The following KCNMA1 variants were observed in gnomAD, a reference collection of about 807,000 sequenced individuals.
KCNMA1 encodes Calcium-activated potassium channel subunit alpha-1.
Under a neutral mutation model 140.0 loss-of-function variants are expected in KCNMA1, and 29 were observed. The ratio of observed to expected loss-of-function variants is 0.21; its 90% CI spans 0.15 to 0.28. KCNMA1 has a LOEUF of 0.28. KCNMA1 is among the 10% of genes least tolerant of loss of function. The pLI is 1.00. For synonymous variants in KCNMA1, 612 were observed against 611.9 expected (o/e 1.00, Z 0.00); for missense variants, 880 against 1,602.2 (o/e 0.55, Z 7.70).
rs77895074 is a variant in KCNMA1 at position 76,906,634 on chromosome 10, G to T, written c.3147+3332C>A. On this transcript the variant is annotated intron_variant, in intron 25 of 27. Transcript: ENST00000286628. ...CAACAGCTGAAGAGATTTGTGTGTG[G>T]ATGTTGTGATGTTGCTTATGAGTGA... Among the ~76,000 whole-genome samples the T allele has an allele frequency of 5.9e-3, 892 of 152,286 alleles. 6 individuals carry two copies. The highest frequency in any genetic ancestry group is 0.019 in the African/African-American group (799 of 41,556).
intron 1 of KCNMA1, among the ~76,000 whole-genome samples, chr10:77,513,867 T>G (rs1293753739): frequency 2.6e-5 from 4 of 152,196 alleles, no homozygotes; most frequent in Admixed American, 2.6e-4. Context: ...AGGAGGATCC[T>G]GGCCTGGCAA....
rs2154570896 is a variant in KCNMA1, at chr10:77,629,733, T to C, written c.378+7532A>G. Among the ~76,000 whole-genome samples the C allele has an allele frequency of 2.6e-5, 4 of 152,318 alleles. 1 individual carries two copies. Among genetic ancestry groups the C allele is most frequent in the Admixed American group, 2.6e-4 (4 of 15,300 alleles). On this transcript the variant is annotated intron_variant, in intron 1 of 27. Transcript: ENST00000286628. ...AGTCAGAACTGGGTCTTAATTATTTTTCCCCCAGCACCTAGCTTGGTTTCT... is the reference window on the plus strand; with the variant it reads ...AGTCAGAACTGGGTCTTAATTATTTCTCCCCCAGCACCTAGCTTGGTTTCT...
At chr10:77,285,846 T>C (rs915999586) in intron 2 of KCNMA1, among the ~76,000 whole-genome samples, 2 of 152,212 alleles carry the variant, frequency 1.3e-5, no homozygotes, top group East Asian at 1.9e-4. Context: ...TTTGTTATTA[T>C]GCATACCTCA....
intron 16 of KCNMA1, among the ~76,000 whole-genome samples, chr10:77,024,783 A>G (rs150891625): frequency 4.7e-4 from 72 of 152,308 alleles, no homozygotes; most frequent in African/African-American, 1.7e-3. Flanking sequence ...CAGTGTTCTA[A>G]GACTATACTG....
intron 1 of KCNMA1, among the ~76,000 whole-genome samples, chr10:77,610,922 G>A (rs2086616964): frequency 6.6e-6 from 1 of 152,238 alleles, no homozygotes; most frequent in Admixed American, 6.5e-5. Flanking sequence ...CCATGGAGTG[G>A]TTAGCAGAGC....
chr10:77,248,690 T>G (rs776194662), intron 3 of KCNMA1, among the ~76,000 whole-genome samples: 1 of 152,218 alleles, frequency 6.6e-6, no homozygotes, highest in Non-Finnish European at 1.5e-5. Context: ...TTTCTTTCCA[T>G]TTGCATCTTA....
chr10:77,151,155 CTTTT>C (rs1410151677), intron 5 of KCNMA1, among the ~76,000 whole-genome samples: 1 of 143,158 alleles, frequency 7.0e-6, no homozygotes, highest in Admixed American at 7.0e-5. Flanking sequence ...TTCTTTCTTT[CTTTT>C]CTTTTCTTTC....
At chr10:77,007,653 G>GTGTGTGTGTGTGTATATATATATATATA in intron 18 of KCNMA1, among the ~76,000 whole-genome samples, 1 of 88,482 alleles carries the variant, frequency 1.1e-5, no homozygotes, top group Admixed American at 1.1e-4. Flanking sequence ...TTGTGTGTGT[G>GTGTGTGTGTGTGTATATATATATATATA]TATATATATA....
chr10:76,884,857 T>C, downstream of KCNMA1: 1 of 1,314,772 alleles, frequency 7.6e-7, no homozygotes, highest in South Asian at 1.8e-5. Flanking sequence ...TAAATAAAAA[T>C]AAACAAACCA....
Position 76,928,546 on chromosome 10 carries a change from A to G in KCNMA1, c.2903-13497T>C, listed in dbSNP as rs760351021. 9.8e-5 allele frequency among the ~76,000 whole-genome samples: 15 copies of G among 152,332 alleles called. No homozygotes were observed. In the South Asian group the frequency reaches 1.0e-3, roughly 11 times the overall value. On this transcript the variant is annotated intron_variant, in intron 23 of 27. Transcript: ENST00000286628. The stretch of plus-strand genomic sequence containing the variant: ...AATGTGAGCAGAAAATTATGAATTC[A>G]TTAAACTACTTTGGTATCTTGTGCT...
intron 1 of KCNMA1, among the ~76,000 whole-genome samples, chr10:77,405,903 C>T (rs1265123885): frequency 6.6e-6 from 1 of 152,170 alleles, no homozygotes; most frequent in Non-Finnish European, 1.5e-5. Context: ...GACTTGGCCA[C>T]GGCAGGCAGG....
At chr10:77,084,541 G>C in intron 12 of KCNMA1, 96 bp downstream of exon 12, 1 of 922,414 alleles carries the variant, frequency 1.1e-6, no homozygotes. Flanking sequence ...GGGCAAAAAG[G>C]CCTCATAGAG....
chr10:76,955,563 G>T (rs543771122), intron 20 of KCNMA1, among the ~76,000 whole-genome samples: 9 of 152,178 alleles, frequency 5.9e-5, no homozygotes, highest in Non-Finnish European at 1.2e-4. Flanking sequence ...GATCTTAAAA[G>T]AAGAACAATC....
intron 1 of KCNMA1, among the ~76,000 whole-genome samples, chr10:77,546,315 T>C (rs1030548256): frequency 3.3e-5 from 5 of 151,356 alleles, no homozygotes; most frequent in Non-Finnish European, 5.9e-5. Context: ...GCTCACTGCC[T>C]CCCACTAGTT....
At chr10:77,113,940 A>T (rs1056305633) in intron 6 of KCNMA1, among the ~76,000 whole-genome samples, 2 of 152,210 alleles carry the variant, frequency 1.3e-5, no homozygotes, top group Non-Finnish European at 2.9e-5. Flanking sequence ...GTTGTACATT[A>T]GACCTCTAGA....
At chr10:77,360,657 C>T (rs1209130305) in intron 2 of KCNMA1, among the ~76,000 whole-genome samples, 1 of 152,226 alleles carries the variant, frequency 6.6e-6, no homozygotes, top group East Asian at 1.9e-4. Flanking sequence ...CTTACTTCTT[C>T]TCATCTTCCC....
At chr10:77,620,420 C>T (rs1431343134) in intron 1 of KCNMA1, among the ~76,000 whole-genome samples, 1 of 152,208 alleles carries the variant, frequency 6.6e-6, no homozygotes, top group East Asian at 1.9e-4. Flanking sequence ...AAAAATAGCA[C>T]AGTTGGCAAC....
At chr10:77,223,744 T>C (rs1296222422) in intron 3 of KCNMA1, among the ~76,000 whole-genome samples, 16 of 152,124 alleles carry the variant, frequency 1.1e-4, no homozygotes, top group Admixed American at 5.9e-4. Flanking sequence ...CGGTTGCAGA[T>C]AGCACAGTTT....
chr10:77,039,217 G>C (rs1218157531), intron 15 of KCNMA1: 1 of 441,156 alleles, frequency 2.3e-6, no homozygotes, highest in Non-Finnish European at 4.2e-6. Flanking sequence ...AGGGGTTTAT[G>C]CCACTCTTCA....
Sources: gnomAD v4.1 joint callset for allele counts (sites outside exome capture counted in the v4.1 genomes callset) on GRCh38, gnomAD v4.1.1 for gene constraint, MANE v1.5 for transcripts, NCBI Gene and HGNC (gene_info 2026-07-23, HGNC 2026-07-21) for gene names.